Variants in ZNF606 observed in about 807,000 individuals in gnomAD.
The protein encoded by ZNF606 is zinc finger protein 328.
ZNF606 carries 37 observed loss-of-function variants against 74.9 expected under a neutral mutation model. The observed-to-expected ratio is 0.49, with a 90% CI of 0.38 to 0.65. The LOEUF is 0.65. Ranked by LOEUF, ZNF606 falls within the 30% of genes least tolerant of loss-of-function variation. The probability of loss-of-function intolerance (pLI) is 0.00; values close to 1 mark genes in which losing one functional copy is unlikely to be tolerated. For synonymous variants in ZNF606, 328 were observed against 312.4 expected, an observed-to-expected ratio of 1.05 and a Z score of -0.53; for missense variants, 852 against 952.9, an observed-to-expected ratio of 0.89 and a Z score of 1.39.
At chr19:57,995,816 C>CA (rs954081173) in intron 4 of ZNF606, among the ~76,000 whole-genome samples, 9 of 150,536 alleles carry the variant, frequency 6.0e-5, no homozygotes, top group Middle Eastern at 3.2e-3. Context: ...GTGACTGTCT[C>CA]AAAAAAAAGA....
intron 1 of ZNF606, 24 bp from the exon 2 acceptor site, chr19:58,001,394 C>T (rs765306943): frequency 6.3e-7 from 1 of 1,580,872 alleles, no homozygotes. Flanking sequence ...TGAAAAAAGA[C>T]AAAACTAGTC....
chr19:58,002,297 C>T, intron 1 of ZNF606, 99 bp downstream of exon 1: 1 of 456,774 alleles, frequency 2.2e-6, no homozygotes, highest in Non-Finnish European at 4.4e-6. Context: ...TCAATGGCCT[C>T]AGAAGCATCC....
intron 4 of ZNF606, 92 bp from the exon 5 acceptor site, chr19:57,988,813 G>A (rs1159329011): frequency 6.3e-7 from 1 of 1,586,186 alleles, no homozygotes; most frequent in African/African-American, 1.3e-5. Flanking sequence ...GGGGAGAGAA[G>A]ACAGGATGTA....
At position 57,980,078 on chromosome 19, in the gene ZNF606, T is replaced by C. The variant is rs1335198826; in HGVS notation, c.602A>G (p.Gln201Arg). The C allele has an allele frequency of 2.5e-6, 4 of 1,613,904 alleles. No individual in the cohort carries two copies. The South Asian group carries it at 4.4e-5, about 18-fold the overall frequency. Reference protein sequence around the residue: ...STAMRQMVFMQKQVLSQRSSE... With the variant: ...STAMRQMVFMRKQVLSQRSSE... ...GCTTCTCTGGGATAGTACTTGCTTT[T>C]GCATGAAGACCATCTGCCTCATAGC... Residue 201 changes from glutamine (Q) to arginine (R), a missense_variant, in exon 7 of 7, where the codon CAA becomes CGA. Physicochemically the swap from Gln to Arg is conservative, Grantham distance 43. Around this residue, in one of 3 missense-constraint regions of ZNF606, gnomAD observed 545 missense variants for 542.5 expected, o/e 1.00. Coordinates refer to ENST00000551380, the MANE Select transcript of ZNF606 (RefSeq NM_001348022.3).
At position 57,983,451 on chromosome 19, in the gene ZNF606, G is replaced by A. The variant is rs373029182; in HGVS notation, c.401-3172C>T. On this transcript the variant is annotated intron_variant, in intron 6 of 6. Transcript: ENST00000551380. ...AAATTAGCCGGGCATAGTGGCAGGC[G>A]CTTGTAATGCCAGCTACTCGGGAGG... 3.8e-4 allele frequency among the ~76,000 whole-genome samples: 58 copies of A among 152,028 alleles called. 1 individual carries two copies. Among genetic ancestry groups the A allele is most frequent in the African/African-American group, 1.3e-3 (53 of 41,460 alleles).
chr19:57,985,666 C>T (rs749342520), intron 6 of ZNF606, among the ~76,000 whole-genome samples: 7 of 151,836 alleles, frequency 4.6e-5, no homozygotes, highest in Admixed American at 2.0e-4. Flanking sequence ...TGGTGGCTCA[C>T]GCCTGTAATC....
At position 57,988,695 on chromosome 19, in the gene ZNF606, G is replaced by A. The variant is rs182994172; in HGVS notation, c.204C>T (p.Ala68=). 9 of 1,614,068 alleles carry A rather than the reference G, an allele frequency of 5.6e-6. No homozygotes were observed. The highest frequency in any genetic ancestry group is 6.8e-6 in the Non-Finnish European group (8 of 1,180,014). Residue 68 remains alanine, a synonymous_variant, in exon 5 of 7, where the codon GCC becomes GCT. Transcript: ENST00000551380. Reference sequence around the variant, plus strand: ...CCCACTCTTCTTGGGTGAAGTCCACGGCCACGTCCTTGAAGGTCACTGGTT... The same window carrying A: ...CCCACTCTTCTTGGGTGAAGTCCACAGCCACGTCCTTGAAGGTCACTGGTT... ...VQEPVTFKDV[A]VDFTQEEWGQ... is the part of the protein sequence containing the mutation.
At chr19:57,988,844 C>CA in intron 4 of ZNF606, 123 bp from the exon 5 acceptor site, 1 of 1,492,816 alleles carries the variant, frequency 6.7e-7, no homozygotes, top group Non-Finnish European at 9.1e-7. Flanking sequence ...CCTGGTTATT[C>CA]AAGAGTCTGA....
At chr19:58,003,115 C>G (rs958989214), upstream of ZNF606, 1 of 414,866 alleles carries the variant, frequency 2.4e-6, no homozygotes, top group Admixed American at 2.6e-5. Flanking sequence ...CCGGGTTTCC[C>G]GGGAGGAGCT....
Position 57,977,749 on chromosome 19 carries a change from C to T in ZNF606, c.*552G>A, listed in dbSNP as rs1030196302. 1 of 152,094 alleles carries T rather than the reference C, an allele frequency of 6.6e-6. No individual in the cohort carries two copies. Among genetic ancestry groups the T allele is most frequent in the Non-Finnish European group, 1.5e-5 (1 of 68,056 alleles). The allele number at this position is 152,094 out of a possible 1,614,324, so 9.4% of individuals were successfully genotyped here. A position where few individuals can be genotyped will look rare whatever the true frequency, so the allele number is the denominator to read the frequency against. On this transcript the variant is annotated 3_prime_UTR_variant, in exon 7 of 7. Transcript: ENST00000551380. ...AAGGAGGTTAATCAACAGTAAATAC[C>T]CCATTCAATACTATTATTTTTCTTA...
At position 57,977,344 on chromosome 19, in the gene ZNF606, C is replaced by T. The variant is rs1283924052; in HGVS notation, c.*957G>A. The stretch of plus-strand genomic sequence containing the variant: ...ACTAAACAAGTTAACACTTGGAAAG[C>T]ATTTAAAAGAAAGCCCAGCACATAA... On this transcript the variant is annotated 3_prime_UTR_variant, in exon 7 of 7. Transcript: ENST00000551380. The T allele has an allele frequency of 6.6e-6, 1 of 152,176 alleles. No individual in the cohort carries two copies. Among genetic ancestry groups the T allele is most frequent in the Non-Finnish European group, 1.5e-5 (1 of 68,024 alleles). The allele number at this position is 152,176 out of a possible 1,614,324, so 9.4% of individuals were successfully genotyped here.
At chr19:58,002,311 TC>T in intron 1 of ZNF606, 84 bp downstream of exon 1, 1 of 456,742 alleles carries the variant, frequency 2.2e-6, no homozygotes, top group Non-Finnish European at 4.4e-6. Flanking sequence ...AGCATCCTTA[TC>T]ACCTGCTTCC....
rs543995586 is a variant in ZNF606, at chr19:58,002,819, C to G, written c.-475G>C. On this transcript the variant is annotated 5_prime_UTR_variant, in exon 1 of 7. Transcript: ENST00000551380. ...ATGGCGGCTGCTTCCCCGGCGTCGACCGGAGCGCGCCGCGGGGTCTGCTGG... is the reference window on the plus strand; with the variant it reads ...ATGGCGGCTGCTTCCCCGGCGTCGAGCGGAGCGCGCCGCGGGGTCTGCTGG... 2.8e-3 allele frequency: 1,258 copies of G among 448,722 alleles called. 14 individuals are homozygous for G. Among genetic ancestry groups the G allele is most frequent in the African/African-American group, 0.023 (1,139 of 49,424 alleles). The allele number at this position is 448,722 out of a possible 1,614,324, so 27.8% of individuals were successfully genotyped here. A position where few individuals can be genotyped will look rare whatever the true frequency, so the allele number is the denominator to read the frequency against.
At chr19:57,997,718 T>C (rs2073359619) in intron 4 of ZNF606, 1 of 152,264 alleles carries the variant, frequency 6.6e-6, no homozygotes, top group African/African-American at 2.4e-5. Flanking sequence ...TTAACAGGGC[T>C]TCTTCGCAGT....
Position 58,000,502 on chromosome 19 carries a change from A to G in ZNF606, c.88+181T>C, listed in dbSNP as rs182064711. ...GGCCTCCCAAAGTGCTGTAGGCGTG[A>G]GTCACCACGCCTGGCCACTAGTTTT... On this transcript the variant is annotated intron_variant, in intron 3 of 6. Coordinates refer to ENST00000551380, the MANE Select transcript of ZNF606 (RefSeq NM_001348022.3). 1,062 of 707,434 alleles carry G rather than the reference A, an allele frequency of 1.5e-3. 5 individuals carry two copies. The highest frequency in any genetic ancestry group is 2.5e-3 in the Middle Eastern group (11 of 4,372). The allele number at this position is 707,434 out of a possible 1,614,324, so 43.8% of individuals were successfully genotyped here.
intron 3 of ZNF606, 46 bp from the exon 4 acceptor site, chr19:57,999,942 A>T: frequency 6.3e-7 from 1 of 1,585,816 alleles, no homozygotes; most frequent in Non-Finnish European, 8.6e-7. Flanking sequence ...CGCTGCCAGG[A>T]GCTCACCTTT....
At chr19:57,994,790 G>C (rs1170447377) in intron 4 of ZNF606, among the ~76,000 whole-genome samples, 1 of 152,122 alleles carries the variant, frequency 6.6e-6, no homozygotes, top group South Asian at 2.1e-4. Context: ...GTCAAGTGTC[G>C]ACAAACATGC....
chr19:57,991,868 A>G lies in ZNF606; in HGVS notation c.178-3147T>C, dbSNP rs114257933. On this transcript the variant is annotated intron_variant, in intron 4 of 6. Transcript: ENST00000551380. ...ATGCTTGATGCACTTTCACAGAGCA[A>G]TGGCACCTGGGGAACCAGCTAGGCA... 8.3e-3 allele frequency among the ~76,000 whole-genome samples: 1,268 copies of G among 152,294 alleles called. 20 individuals are homozygous for G. Among genetic ancestry groups the G allele is most frequent in the African/African-American group, 0.029 (1,188 of 41,546 alleles).
In ZNF606 at chr19:57,980,287, A is replaced by T; in HGVS notation, c.401-8T>A. 1 of 1,591,290 alleles carries T rather than the reference A, an allele frequency of 6.3e-7. No homozygotes were observed. Among genetic ancestry groups the T allele is most frequent in the Non-Finnish European group, 8.5e-7 (1 of 1,170,512 alleles). ...CAAGATTTCTCACCCATTCTGAAAC[A>T]GACAGAAAAAAAGCTATGAGAGCAT... On this transcript the variant is annotated splice_polypyrimidine_tract_variant and splice_region_variant and intron_variant, in intron 6 of 6. Transcript: ENST00000551380.
Sources: allele counts gnomAD v4.1 joint callset (sites outside exome capture counted in the v4.1 genomes callset), GRCh38; gene constraint gnomAD v4.1.1; regional missense constraint gnomAD v4.1.1; transcripts MANE v1.5; gene names NCBI Gene and HGNC (gene_info 2026-07-23, HGNC 2026-07-21).